The following RTN4RL1 variants were observed in gnomAD, a reference collection of about 807,000 sequenced individuals.
RTN4RL1 encodes reticulon 4 receptor like 1, also known as reticulon-4 receptor-like 1.
In RTN4RL1, 7 loss-of-function variants were observed where a neutral mutation model predicts 25.6. The ratio of observed to expected loss-of-function variants is 0.27; its 90% confidence interval spans 0.16 to 0.51. The LOEUF is 0.51. RTN4RL1 is among the 20% of genes least tolerant of loss of function. RTN4RL1 has a pLI of 0.97. For missense variants in RTN4RL1, 500 were observed against 615.6 expected, an observed-to-expected ratio of 0.81 and a Z score of 1.99; for synonymous variants, 297 against 288.2, an observed-to-expected ratio of 1.03 and a Z score of -0.31.
intron 1 of RTN4RL1, among the ~76,000 whole-genome samples, chr17:1,954,654 C>A (rs978788508): frequency 2.0e-5 from 3 of 152,172 alleles, no homozygotes; most frequent in African/African-American, 7.2e-5. Flanking sequence ...TCCCAAAGTG[C>A]TGGGATTACA....
chr17:1,961,802 G>C (rs144814641), intron 1 of RTN4RL1, among the ~76,000 whole-genome samples: 2 of 90,850 alleles, frequency 2.2e-5, no homozygotes, highest in Admixed American at 1.3e-4. Context: ...AAAAAAATTA[G>C]CAGGGCGTGG....
At chr17:1,956,339 C>T (rs1289480990) in intron 1 of RTN4RL1, among the ~76,000 whole-genome samples, 1 of 151,504 alleles carries the variant, frequency 6.6e-6, no homozygotes, top group Non-Finnish European at 1.5e-5. Context: ...GGGTTTCCCT[C>T]ATCAGTGGGG....
In RTN4RL1 at chr17:1,936,511, C is replaced by A. The variant is rs771194911; in HGVS notation, c.1311G>T (p.Ala437=). The change falls in exon 2 of 2, where the codon GCG becomes GCT. Residue 437 remains alanine (A), a synonymous_variant. Coordinates refer to ENST00000331238, the MANE Select transcript of RTN4RL1 (RefSeq NM_178568.4). ...CCCTGGGTCCTCAGCGGAGAGTGAC[C>A]GCCAGCCCCAGTGTCCAGGCCAGGA... ...ASLLAWTLGL[A]VTLR 23 of 1,546,166 alleles carry A rather than the reference C, an allele frequency of 1.5e-5. No homozygotes were observed. Among genetic ancestry groups the A allele is most frequent in the Non-Finnish European group, 1.9e-5 (22 of 1,148,484 alleles).
At chr17:1,966,400 A>T (rs2066791522) in intron 1 of RTN4RL1, among the ~76,000 whole-genome samples, 1 of 152,166 alleles carries the variant, frequency 6.6e-6, no homozygotes, top group Admixed American at 6.5e-5. Flanking sequence ...GGCAGGCAGA[A>T]GATGCTTCAG....
In RTN4RL1 at chr17:1,994,764, C is replaced by T. The variant is rs1447869907; in HGVS notation, c.13+30089G>A. 1.3e-5 allele frequency among the ~76,000 whole-genome samples: 2 copies of T among 152,046 alleles called. No individual in the cohort carries two copies. The highest frequency in any genetic ancestry group is 2.4e-5 in the African/African-American group (1 of 41,382). The stretch of plus-strand genomic sequence containing the variant: ...TAGGAAAGGGGATAATACACGCTTG[C>T]GTTGGGGGAAAGGTGGTTAAAAAGG... On this transcript the variant is annotated intron_variant, in intron 1 of 1. Coordinates refer to ENST00000331238, the MANE Select transcript of RTN4RL1 (RefSeq NM_178568.4). The surrounding 1 kb of genome is among the most constrained non-coding windows in gnomAD (Gnocchi z 4.3).
At chr17:1,947,115 G>A (rs150862852) in intron 1 of RTN4RL1, among the ~76,000 whole-genome samples, 2 of 151,102 alleles carry the variant, frequency 1.3e-5, no homozygotes, top group Non-Finnish European at 3.0e-5. Flanking sequence ...GTGTGCGCAC[G>A]GGGTCTGTGT....
intron 1 of RTN4RL1, among the ~76,000 whole-genome samples, chr17:1,948,194 C>T (rs550611744): frequency 6.6e-6 from 1 of 152,356 alleles, no homozygotes; most frequent in East Asian, 1.9e-4. Context: ...AGCGCACTGA[C>T]CTCTCTACTG....
chr17:2,011,400 G>A (rs1209521174), intron 1 of RTN4RL1, among the ~76,000 whole-genome samples: 2 of 152,264 alleles, frequency 1.3e-5, no homozygotes, highest in African/African-American at 2.4e-5. Flanking sequence ...CGGTCCGACA[G>A]GAGTCATGAC....
chr17:1,972,858 C>T (rs965203451), intron 1 of RTN4RL1, among the ~76,000 whole-genome samples: 10 of 152,232 alleles, frequency 6.6e-5, no homozygotes. Context: ...CTAAATGAAC[C>T]TCCAGAGGGG....
Position 1,937,125 on chromosome 17 carries a change from G to A in RTN4RL1, c.697C>T (p.Leu233Phe). ...AGGCACTCACCCTGCAGCTCCGAGAGGCTGTTGTTGAAGAGGAAGAGGGTG... is the reference window on the plus strand; with the variant it reads ...AGGCACTCACCCTGCAGCTCCGAGAAGCTGTTGTTGAAGAGGAAGAGGGTG... ...LTTLFLFNNS[L>F]SELQGECLAP... The change falls in exon 2 of 2, where the codon CTC (leucine) becomes TTC (phenylalanine). Residue 233 changes from leucine to phenylalanine, a missense_variant. By Grantham distance (22) the Leu-to-Phe change is conservative (BLOSUM62 0). Around this residue, in one of 2 missense-constraint regions of RTN4RL1, gnomAD observed 232 missense variants for 341.1 expected, o/e 0.68. Coordinates refer to ENST00000331238, the MANE Select transcript of RTN4RL1 (RefSeq NM_178568.4). 1 of 1,610,724 alleles carries A rather than the reference G, an allele frequency of 6.2e-7. No individual in the cohort carries two copies. The highest frequency in any genetic ancestry group is 1.3e-5 in the African/African-American group (1 of 75,024).
At position 1,998,836 on chromosome 17, in the gene RTN4RL1, G is replaced by A. The variant is rs534435702; in HGVS notation, c.13+26017C>T. 1.3e-5 allele frequency among the ~76,000 whole-genome samples: 2 copies of A among 152,232 alleles called. No individual in the cohort carries two copies. The highest frequency in any genetic ancestry group is 2.1e-4 in the South Asian group (1 of 4,830). ...CTAAAAACGCTGGGGACGCGGGTTT[G>A]ACGCACTTTCCCGGCAGCCGAAGAC... On this transcript the variant is annotated intron_variant, in intron 1 of 1. Transcript: ENST00000331238. This position sits in a 1 kb window ranked among gnomAD's most constrained non-coding sequence, Gnocchi z 4.9.
At chr17:1,952,798 G>T (rs1224068453) in intron 1 of RTN4RL1, among the ~76,000 whole-genome samples, 1 of 151,644 alleles carries the variant, frequency 6.6e-6, no homozygotes, top group African/African-American at 2.4e-5. Context: ...CACTGTCTGG[G>T]GTTGGTTTAA....
intron 1 of RTN4RL1, among the ~76,000 whole-genome samples, chr17:2,023,846 C>T (rs1481770562): frequency 6.6e-6 from 1 of 152,230 alleles, no homozygotes; most frequent in Non-Finnish European, 1.5e-5. Context: ...TACCTGAGCT[C>T]CCGCCTCAGC....
intron 1 of RTN4RL1, among the ~76,000 whole-genome samples, chr17:1,967,319 G>C (rs2066796106): frequency 6.6e-6 from 1 of 152,172 alleles, no homozygotes; most frequent in African/African-American, 2.4e-5. Flanking sequence ...GATTCCGCCG[G>C]AGGCCAAGGC....
intron 1 of RTN4RL1, chr17:2,023,671 A>AACCCCCCCCCCCCCCCCCCC (rs2067239073): frequency 1.7e-5 from 1 of 58,560 alleles, no homozygotes; most frequent in East Asian, 4.4e-4. Flanking sequence ...GCTTCCCCCC[A>AACCCCCCCCCCCCCCCCCCC]CCTCCCCAAC....
chr17:1,946,527 GTGTC>G (rs1321342064), intron 1 of RTN4RL1, among the ~76,000 whole-genome samples: 3 of 151,964 alleles, frequency 2.0e-5, no homozygotes, highest in Non-Finnish European at 2.9e-5. Context: ...GTGTGATTGT[GTGTC>G]TGTGTGTGCA....
At chr17:1,962,586 CA>C (rs2066769730) in intron 1 of RTN4RL1, among the ~76,000 whole-genome samples, 1 of 151,916 alleles carries the variant, frequency 6.6e-6, no homozygotes, top group African/African-American at 2.4e-5. Flanking sequence ...ATGGGAAGGC[CA>C]GGGGTGGTGG....
At chr17:1,976,603 C>T (rs951231728) in intron 1 of RTN4RL1, among the ~76,000 whole-genome samples, 4 of 152,170 alleles carry the variant, frequency 2.6e-5, no homozygotes, top group Non-Finnish European at 5.9e-5. Flanking sequence ...GGGGTACTTC[C>T]CAGGGCTGTT....
Position 1,937,024 on chromosome 17 carries a change from C to T in RTN4RL1, c.798G>A (p.Leu266=), listed in dbSNP as rs774155496. Residue 266 remains leucine, a synonymous_variant, in exon 2 of 2, where the codon CTG becomes CTA. Coordinates refer to ENST00000331238, the MANE Select transcript of RTN4RL1 (RefSeq NM_178568.4). The part of the protein sequence containing the change: ...PWDCGCRARS[L]WEWLQRFRGS... ...CCCGGAACCTCTGCAGCCATTCCCA[C>T]AGGGAGCGCGCGCGACAACCACAGT... 2.6e-5 allele frequency: 42 copies of T among 1,604,988 alleles called. No individual in the cohort carries two copies. The African/African-American group carries it at 4.9e-4, about 19-fold the overall frequency.
Sources: gnomAD v4.1 joint callset for allele counts (sites outside exome capture counted in the v4.1 genomes callset) on GRCh38, gnomAD v4.1.1 for gene constraint, gnomAD v4.1.1 regional missense constraint, Gnocchi (gnomAD v3.1) non-coding constraint, MANE v1.5 for transcripts, NCBI Gene and HGNC (gene_info 2026-07-23, HGNC 2026-07-21) for gene names.